SLC14A2: variants seen among roughly 807,000 people sequenced by gnomAD.
The protein encoded by SLC14A2 is urea transporter 2.
Under a neutral mutation model 104.6 loss-of-function variants are expected in SLC14A2, and 91 were observed. That is an observed-to-expected ratio of 0.87 (90% CI 0.73 to 1.04). The LOEUF (loss-of-function observed/expected upper bound fraction) is 1.04. Ranked by LOEUF, SLC14A2 falls within the 50% of genes least tolerant of loss-of-function variation. SLC14A2 has a pLI of 0.00. For synonymous variants in SLC14A2, 476 were observed against 466.4 expected, an observed-to-expected ratio of 1.02 and a Z score of -0.27; for missense variants, 1,189 against 1,156.0, an observed-to-expected ratio of 1.03 and a Z score of -0.41.
chr18:45,590,363 A>G (rs1215898200), intron 2 of SLC14A2, among the ~76,000 whole-genome samples: 1 of 152,164 alleles, frequency 6.6e-6, no homozygotes, highest in East Asian at 1.9e-4. Flanking sequence ...CCCCCCAGCT[A>G]TGAAATGGTC....
chr18:45,206,053 G>A, the SLC14A2 span, among the ~76,000 whole-genome samples: 1 of 152,236 alleles, frequency 6.6e-6, no homozygotes, highest in African/African-American at 2.4e-5. Flanking sequence ...GATAGGCCAT[G>A]AAAATAGAGG....
chr18:45,665,688 C>CTTTTT lies in SLC14A2; in HGVS notation c.1475-425_1475-421dup, dbSNP rs146248418. ...AAGGGCTTCAACAACAACCAAGTTTCTTTTTTTTTTTTTTTTTTTTTTTTT... is the reference window on the plus strand; with the variant it reads ...AAGGGCTTCAACAACAACCAAGTTTCTTTTTTTTTTTTTTTTTTTTTTTTTTTTTT... On this transcript the variant is annotated intron_variant, in intron 11 of 19. Coordinates refer to ENST00000255226, the MANE Select transcript of SLC14A2 (RefSeq NM_007163.4). Among the ~76,000 whole-genome samples the CTTTTT allele has an allele frequency of 3.4e-3, 270 of 79,298 alleles. 20 individuals are homozygous for CTTTTT. The highest frequency in any genetic ancestry group is 0.012 in the African/African-American group (209 of 18,130). The allele number at this position is 79,298 out of a possible 152,430, so 52.0% of individuals were successfully genotyped here. A position where few individuals can be genotyped will look rare whatever the true frequency, so the allele number is the denominator to read the frequency against.
intron 2 of SLC14A2, among the ~76,000 whole-genome samples, chr18:45,558,858 T>A (rs936200297): frequency 6.6e-6 from 1 of 152,184 alleles, no homozygotes; most frequent in Non-Finnish European, 1.5e-5. Flanking sequence ...TGACACGATC[T>A]CGGCTCACTG....
chr18:45,594,451 T>A (rs1211284064), intron 2 of SLC14A2, among the ~76,000 whole-genome samples: 1 of 152,208 alleles, frequency 6.6e-6, no homozygotes, highest in African/African-American at 2.4e-5. Flanking sequence ...ACTTCAATGA[T>A]CACCTGCCAA....
chr18:45,378,115 T>G (rs550077382), intron 1 of SLC14A2, among the ~76,000 whole-genome samples: 1 of 152,348 alleles, frequency 6.6e-6, no homozygotes, highest in Admixed American at 6.5e-5. Context: ...CTTAGATACT[T>G]TACTTTGAAT....
chr18:45,475,709 G>A (rs1214228183), intron 1 of SLC14A2, among the ~76,000 whole-genome samples: 5 of 112,344 alleles, frequency 4.5e-5, no homozygotes, highest in Non-Finnish European at 8.8e-5. Flanking sequence ...TCTTCTTGTT[G>A]CATTGATCCC....
intron 12 of SLC14A2, 49 bp from the exon 13 acceptor site, chr18:45,666,886 T>A: frequency 6.5e-7 from 1 of 1,544,018 alleles, no homozygotes; most frequent in Non-Finnish European, 8.9e-7. Context: ...ATTCTCAGTG[T>A]AAGAACCACC....
chr18:45,412,328 A>G (rs2086224171), intron 1 of SLC14A2, among the ~76,000 whole-genome samples: 1 of 152,160 alleles, frequency 6.6e-6, no homozygotes, highest in Non-Finnish European at 1.5e-5. Flanking sequence ...CGTGCTTTTC[A>G]TTGCTTAACT....
At chr18:45,252,356 A>G (rs2084432099) in intron 1 of SLC14A2, among the ~76,000 whole-genome samples, 1 of 152,216 alleles carries the variant, frequency 6.6e-6, no homozygotes, top group Non-Finnish European at 1.5e-5. Context: ...TGTTTCCTGG[A>G]CTTTTTGCAT....
chr18:45,635,275 A>G (rs537299713), intron 5 of SLC14A2, among the ~76,000 whole-genome samples: 6 of 152,218 alleles, frequency 3.9e-5, no homozygotes, highest in Non-Finnish European at 5.9e-5. Flanking sequence ...GCTTTCATCT[A>G]TGGTACTAAA....
intron 1 of SLC14A2, among the ~76,000 whole-genome samples, chr18:45,360,110 A>G (rs1219556410): frequency 6.6e-6 from 1 of 152,122 alleles, no homozygotes; most frequent in African/African-American, 2.4e-5. Flanking sequence ...CTCCCTTCCC[A>G]GTAAAAGCTC....
chr18:45,280,211 T>C (rs1033716816), intron 1 of SLC14A2, among the ~76,000 whole-genome samples: 2 of 152,138 alleles, frequency 1.3e-5, no homozygotes, highest in African/African-American at 4.8e-5. Context: ...CTGACCTCAA[T>C]GGGGTTGTAG....
chr18:45,666,232 T>C lies in SLC14A2; in HGVS notation c.1557+13T>C, dbSNP rs773280113. On this transcript the variant is annotated intron_variant, in intron 12 of 19. Coordinates refer to ENST00000255226, the MANE Select transcript of SLC14A2 (RefSeq NM_007163.4). Reference sequence around the variant, plus strand: ...AGTCGAGCTGCTTGTGAGTACTGAGTGTCCTGAATCAGGGACAGCGCCCTA... The same window carrying C: ...AGTCGAGCTGCTTGTGAGTACTGAGCGTCCTGAATCAGGGACAGCGCCCTA... The C allele has an allele frequency of 6.3e-6, 10 of 1,580,816 alleles. No individual in the cohort carries two copies. Among genetic ancestry groups the C allele is most frequent in the South Asian group, 4.4e-5 (4 of 90,454 alleles).
chr18:45,203,581 C>A, the SLC14A2 span, among the ~76,000 whole-genome samples: 4 of 152,150 alleles, frequency 2.6e-5, no homozygotes, highest in African/African-American at 4.8e-5. Context: ...AAATATCTGA[C>A]ATGCTTGTTA....
intron 2 of SLC14A2, among the ~76,000 whole-genome samples, chr18:45,524,390 C>T (rs974843615): frequency 3.3e-5 from 5 of 152,116 alleles, no homozygotes; most frequent in African/African-American, 9.7e-5. Context: ...CTTGAAGACC[C>T]AGTAGGGTGT....
chr18:45,634,452 T>C (rs368442305), intron 5 of SLC14A2, among the ~76,000 whole-genome samples: 10 of 152,242 alleles, frequency 6.6e-5, no homozygotes, highest in Admixed American at 5.2e-4. Context: ...CAGCAAATGA[T>C]TCCAGACATG....
At chr18:45,234,431 A>T (rs945917648) in intron 1 of SLC14A2, among the ~76,000 whole-genome samples, 1 of 152,262 alleles carries the variant, frequency 6.6e-6, no homozygotes, top group African/African-American at 2.4e-5. Flanking sequence ...AGAACATTTT[A>T]AAACTACTGA....
chr18:45,569,687 G>T (rs2044318903), intron 2 of SLC14A2, among the ~76,000 whole-genome samples: 1 of 152,202 alleles, frequency 6.6e-6, no homozygotes. Context: ...AAATGCTCAT[G>T]CTATTATGGC....
chr18:45,616,379 T>C (rs1599069946), intron 1 of SLC14A2, among the ~76,000 whole-genome samples: 5 of 152,236 alleles, frequency 3.3e-5, no homozygotes, highest in Admixed American at 3.3e-4. Context: ...TATTAGTTCA[T>C]ATCAAGCTCA....
Sources: allele counts gnomAD v4.1 joint callset (sites outside exome capture counted in the v4.1 genomes callset), GRCh38; gene constraint gnomAD v4.1.1; transcripts MANE v1.5; gene names NCBI Gene and HGNC (gene_info 2026-07-23, HGNC 2026-07-21).